ILDR2: variants seen among roughly 807,000 people sequenced by gnomAD.
ILDR2 encodes the protein immunoglobulin like domain containing receptor 2, also known as immunoglobulin-like domain-containing receptor 2.
In ILDR2, 25 loss-of-function variants were observed where a neutral mutation model predicts 66.8. The observed-to-expected ratio is 0.37, with a 90% CI of 0.27 to 0.52. The LOEUF (loss-of-function observed/expected upper bound fraction) is 0.52, where lower values mean the gene tolerates loss of function less well. Ranked by LOEUF, ILDR2 falls within the 20% of genes least tolerant of loss-of-function variation. The pLI is 0.88. For missense variants in ILDR2, 827 were observed against 876.8 expected (o/e 0.94, Z 0.72); for synonymous variants, 367 against 357.2 (o/e 1.03, Z -0.31).
Position 166,975,508 on chromosome 1 carries a change from T to C in ILDR2, c.-240A>G, listed in dbSNP as rs112416021. 45,186 of 145,204 alleles carry C rather than the reference T, an allele frequency of 0.31. 8,272 individuals are homozygous for C. The highest frequency in any genetic ancestry group is 0.52 in the African/African-American group (21,293 of 40,698). The allele number at this position is 145,204 out of a possible 1,614,324, so 9.0% of individuals were successfully genotyped here. A position where few individuals can be genotyped will look rare whatever the true frequency, so the allele number is the denominator to read the frequency against. On this transcript the variant is annotated 5_prime_UTR_variant, in exon 1 of 10. An upstream start codon of the reference 5' UTR is lost. Transcript: ENST00000271417. ...CGCAGCGCTCGGCGGCGCATCCGCA[T>C]GCCCAGGCAGCGCGGCACGGGGCGA...
At chr1:166,962,307 C>A (rs1365450300) in intron 1 of ILDR2, among the ~76,000 whole-genome samples, 1 of 152,128 alleles carries the variant, frequency 6.6e-6, no homozygotes, top group East Asian at 1.9e-4. Context: ...CCTGTGTTTA[C>A]CTTATTTAGA....
At chr1:166,972,139 GA>G (rs796213005) in intron 1 of ILDR2, among the ~76,000 whole-genome samples, 5 of 152,110 alleles carry the variant, frequency 3.3e-5, no homozygotes, top group African/African-American at 1.2e-4. Flanking sequence ...TTGAACCCAG[GA>G]GGCAGAGGTT....
chr1:166,928,480 C>A (rs1660436512), intron 6 of ILDR2, among the ~76,000 whole-genome samples: 2 of 152,208 alleles, frequency 1.3e-5, no homozygotes, highest in Non-Finnish European at 2.9e-5. Context: ...CAGCATGGTC[C>A]TATATTCCAG....
chr1:166,924,509 C>T (rs1042096033), intron 7 of ILDR2, among the ~76,000 whole-genome samples: 1 of 152,192 alleles, frequency 6.6e-6, no homozygotes, highest in Non-Finnish European at 1.5e-5. Context: ...ACATAAACAT[C>T]GACCTGCCCC....
chr1:166,897,182 A>G (rs1021232562), intron 2 of ILDR2, among the ~76,000 whole-genome samples: 2 of 152,072 alleles, frequency 1.3e-5, no homozygotes, highest in Non-Finnish European at 2.9e-5. Flanking sequence ...GCTATAGTCC[A>G]CATTAGAGCT....
downstream of ILDR2, among the ~76,000 whole-genome samples, chr1:166,905,253 C>G (rs2101814531): frequency 6.6e-6 from 1 of 152,310 alleles, no homozygotes; most frequent in South Asian, 2.1e-4. Flanking sequence ...CTCCCACGGT[C>G]AGCTGGCTCC....
At chr1:166,940,861 C>A (rs536629094) in intron 3 of ILDR2, among the ~76,000 whole-genome samples, 18 of 152,274 alleles carry the variant, frequency 1.2e-4, no homozygotes, top group African/African-American at 4.3e-4. Context: ...AAAGTTTACT[C>A]ATGTGTGTGG....
intron 2 of ILDR2, among the ~76,000 whole-genome samples, chr1:166,900,353 T>C (rs1268600831): frequency 1.3e-5 from 2 of 152,138 alleles, no homozygotes; most frequent in African/African-American, 4.8e-5. Flanking sequence ...CCCTTTTCCA[T>C]TTCCCACTAT....
rs148607941 is a variant in ILDR2 at position 166,938,793 on chromosome 1, A to G, written c.556+721T>C. 2.7e-3 allele frequency among the ~76,000 whole-genome samples: 412 copies of G among 152,270 alleles called. 1 individual carries two copies. Among genetic ancestry groups the G allele is most frequent in the Admixed American group, 4.2e-3 (65 of 15,300 alleles). On this transcript the variant is annotated intron_variant, in intron 4 of 9. Transcript: ENST00000271417. ...CCCTTTTCCTACTGTTTGAGTTTAG[A>G]TATGTTCTTCCCCACAGTTCATTCT...
In ILDR2 at chr1:166,914,535, A is replaced by T. The variant is rs1413619145; in HGVS notation, c.*4820T>A. The T allele has an allele frequency of 6.6e-6, 1 of 152,236 alleles. No homozygotes were observed. Among genetic ancestry groups the T allele is most frequent in the Admixed American group, 6.5e-5 (1 of 15,290 alleles). The allele number at this position is 152,236 out of a possible 1,614,324, so 9.4% of individuals were successfully genotyped here. ...CTCTATCACAGCAGTTGATGTTGGG[A>T]TCAAATGAAAGTGTTCTGTAAACAG... On this transcript the variant is annotated 3_prime_UTR_variant, in exon 10 of 10. Transcript: ENST00000271417.
chr1:166,944,623 G>A (rs1661509068), intron 3 of ILDR2, among the ~76,000 whole-genome samples: 2 of 152,186 alleles, frequency 1.3e-5, no homozygotes, highest in South Asian at 4.1e-4. Flanking sequence ...ATTTCCCCAA[G>A]TTTTTTTACA....
At chr1:166,898,711 T>C (rs1659211639) in intron 2 of ILDR2, among the ~76,000 whole-genome samples, 1 of 152,220 alleles carries the variant, frequency 6.6e-6, no homozygotes, top group South Asian at 2.1e-4. Flanking sequence ...GACATTCATT[T>C]TTTTTCCTAA....
At chr1:166,902,965 C>T (rs1659286485) in intron 2 of ILDR2, among the ~76,000 whole-genome samples, 1 of 152,158 alleles carries the variant, frequency 6.6e-6, no homozygotes, top group African/African-American at 2.4e-5. Context: ...TCTCTACCTC[C>T]AAAATACATT....
At chr1:166,901,525 C>T (rs574622416) in intron 2 of ILDR2, among the ~76,000 whole-genome samples, 4 of 152,314 alleles carry the variant, frequency 2.6e-5, no homozygotes, top group African/African-American at 9.6e-5. Context: ...TCTTCCCTCC[C>T]TCATCCTGAA....
chr1:166,920,657 G>A (rs1440051000), intron 9 of ILDR2, 50 bp downstream of exon 9: 2 of 1,338,932 alleles, frequency 1.5e-6, no homozygotes, highest in Admixed American at 4.0e-5. Context: ...GCCCTGCCTG[G>A]AGGCTCCCGC....
At position 166,908,326 on chromosome 1, in the gene ILDR2, G is replaced by A. The variant is rs1659387985; in HGVS notation, c.*11029C>T. 1 of 152,248 alleles carries A rather than the reference G, an allele frequency of 6.6e-6. No homozygotes were observed. Among genetic ancestry groups the A allele is most frequent in the African/African-American group, 2.4e-5 (1 of 41,448 alleles). The allele number at this position is 152,248 out of a possible 1,614,324, so 9.4% of individuals were successfully genotyped here. ...TACCTTGCTGTATCCTCACATGGCA[G>A]AGAAAGAGAGGAAGTAATCTCTCTC... On this transcript the variant is annotated 3_prime_UTR_variant, in exon 10 of 10. Transcript: ENST00000271417.
intron 1 of ILDR2, among the ~76,000 whole-genome samples, chr1:166,966,417 G>C (rs1449141995): frequency 6.6e-6 from 1 of 152,142 alleles, no homozygotes; most frequent in Non-Finnish European, 1.5e-5. Context: ...TTCCCCCCAA[G>C]AGTCTCAAAA....
intron 2 of ILDR2, among the ~76,000 whole-genome samples, chr1:166,902,138 G>A (rs1232469861): frequency 6.6e-6 from 1 of 152,218 alleles, no homozygotes; most frequent in Non-Finnish European, 1.5e-5. Flanking sequence ...GGGATTAGAG[G>A]CATGAGCCAC....
At chr1:166,963,458 A>C (rs1233164653) in intron 1 of ILDR2, among the ~76,000 whole-genome samples, 1 of 152,202 alleles carries the variant, frequency 6.6e-6, no homozygotes, top group Non-Finnish European at 1.5e-5. Context: ...GTTTGAACCT[A>C]GACTGACTGG....
Sources: gnomAD v4.1 joint callset for allele counts (sites outside exome capture counted in the v4.1 genomes callset) on GRCh38, gnomAD v4.1.1 for gene constraint, MANE v1.5 for transcripts, NCBI Gene and HGNC (gene_info 2026-07-23, HGNC 2026-07-21) for gene names.